The following CLNK variants were observed in gnomAD, a reference collection of about 807,000 sequenced individuals.
CLNK encodes the protein cytokine dependent hematopoietic cell linker.
Under a neutral mutation model 68.6 loss-of-function variants are expected in CLNK, and 74 were observed. The ratio of observed to expected loss-of-function variants is 1.08; its 90% CI spans 0.89 to 1.31. The LOEUF (loss-of-function observed/expected upper bound fraction) is 1.31. Among genes scored for constraint, CLNK ranks in the 50% most tolerant of loss-of-function variants. The probability of loss-of-function intolerance (pLI) is 0.00; values close to 1 mark genes in which losing one functional copy is unlikely to be tolerated. For missense variants in CLNK, 553 were observed against 515.3 expected, an observed-to-expected ratio of 1.07 and a Z score of -0.71; for synonymous variants, 198 against 172.2, an observed-to-expected ratio of 1.15 and a Z score of -1.17.
intron 1 of CLNK, among the ~76,000 whole-genome samples, chr4:10,675,946 C>T (rs1166523390): frequency 6.6e-6 from 1 of 152,126 alleles, no homozygotes; most frequent in Non-Finnish European, 1.5e-5. Context: ...ACACATCTGA[C>T]TTTTTCTGCA....
At chr4:10,703,559 C>A in the CLNK span, among the ~76,000 whole-genome samples, 17 of 152,060 alleles carry the variant, frequency 1.1e-4, no homozygotes, top group Non-Finnish European at 1.2e-4. Context: ...TCTTAGAGAG[C>A]AGAATCTTTT....
At chr4:10,528,219 C>T (rs867869448) in intron 12 of CLNK, 125 bp from the exon 13 acceptor site, 8 of 401,496 alleles carry the variant, frequency 2.0e-5, no homozygotes, top group Middle Eastern at 3.5e-4. Context: ...TAGCATAGTT[C>T]GTAGTTTTAA....
At chr4:10,731,850 G>A in the CLNK span, among the ~76,000 whole-genome samples, 1 of 152,194 alleles carries the variant, frequency 6.6e-6, no homozygotes, top group African/African-American at 2.4e-5. Context: ...CATACCACAT[G>A]CAAATCTAAC....
intron 7 of CLNK, among the ~76,000 whole-genome samples, chr4:10,562,554 C>G (rs1302415494): frequency 6.6e-6 from 1 of 152,104 alleles, no homozygotes; most frequent in African/African-American, 2.4e-5. Context: ...TACAAGCACC[C>G]ACCACCACAC....
chr4:10,720,101 A>T, the CLNK span, among the ~76,000 whole-genome samples: 1 of 152,222 alleles, frequency 6.6e-6, no homozygotes, highest in African/African-American at 2.4e-5. Context: ...AATGTTAAAA[A>T]AATGAAGTCT....
the CLNK span, among the ~76,000 whole-genome samples, chr4:10,722,788 G>T: frequency 6.6e-6 from 1 of 152,166 alleles, no homozygotes; most frequent in Non-Finnish European, 1.5e-5. Flanking sequence ...GGTGGCTCAC[G>T]CCTGTTATTC....
intron 16 of CLNK, among the ~76,000 whole-genome samples, chr4:10,509,901 G>A (rs1030753475): frequency 2.0e-5 from 3 of 152,052 alleles, no homozygotes; most frequent in African/African-American, 4.8e-5. Context: ...TGGCAGAACC[G>A]GCTCTGCCTC....
intron 18 of CLNK, among the ~76,000 whole-genome samples, chr4:10,499,483 CT>C (rs1200131231): frequency 6.6e-6 from 1 of 152,204 alleles, no homozygotes; most frequent in Non-Finnish European, 1.5e-5. Flanking sequence ...AAAAAGTGCT[CT>C]GGTCAGACAC....
intron 2 of CLNK, among the ~76,000 whole-genome samples, chr4:10,605,328 G>A (rs28812637): frequency 0.018 from 2,665 of 152,120 alleles, 88 homozygotes; most frequent in African/African-American, 0.06. Context: ...TGTGAACATC[G>A]TAGAGTGTAC....
At chr4:10,567,085 T>C (rs993106946) in intron 5 of CLNK, among the ~76,000 whole-genome samples, 7 of 134,638 alleles carry the variant, frequency 5.2e-5, no homozygotes, top group Middle Eastern at 3.5e-3. Flanking sequence ...AATCCTAAAA[T>C]TCTTAAGAAA....
chr4:10,706,233 C>A, the CLNK span, among the ~76,000 whole-genome samples: 2 of 152,208 alleles, frequency 1.3e-5, no homozygotes, highest in Non-Finnish European at 2.9e-5. Context: ...GGCAAGTCAC[C>A]TCCTTTGTTC....
chr4:10,651,717 T>C (rs1234213531), intron 2 of CLNK, among the ~76,000 whole-genome samples: 1 of 152,120 alleles, frequency 6.6e-6, no homozygotes, highest in East Asian at 1.9e-4. Context: ...AAAAATTAAT[T>C]AATAACAGAA....
At chr4:10,615,975 G>T (rs1212343388) in intron 2 of CLNK, among the ~76,000 whole-genome samples, 1 of 152,152 alleles carries the variant, frequency 6.6e-6, no homozygotes, top group Admixed American at 6.5e-5. Context: ...GCTGCTTTCT[G>T]TATTAAAGTT....
intron 2 of CLNK, among the ~76,000 whole-genome samples, chr4:10,648,096 A>G (rs765122366): frequency 2.6e-5 from 4 of 152,222 alleles, no homozygotes; most frequent in Non-Finnish European, 5.9e-5. Flanking sequence ...TCCTGGTGTT[A>G]TAGGACAGAC....
intron 10 of CLNK, 117 bp from the exon 11 acceptor site, chr4:10,540,721 T>G (rs545821130): frequency 2.6e-4 from 177 of 693,268 alleles, no homozygotes; most frequent in Non-Finnish European, 3.6e-4. Flanking sequence ...AAAATGCTAG[T>G]TTTTGGATGC....
At chr4:10,621,951 A>G (rs1221633845) in intron 2 of CLNK, among the ~76,000 whole-genome samples, 2 of 152,210 alleles carry the variant, frequency 1.3e-5, no homozygotes, top group African/African-American at 4.8e-5. Context: ...TGCTGAGAAA[A>G]TGTACACCGT....
At chr4:10,567,325 A>G (rs555010470) in intron 5 of CLNK, among the ~76,000 whole-genome samples, 26 of 152,316 alleles carry the variant, frequency 1.7e-4, no homozygotes, top group Non-Finnish European at 2.8e-4. Context: ...TACTAAGACA[A>G]TACAATGGGT....
At chr4:10,610,899 A>G (rs1161404359) in intron 2 of CLNK, among the ~76,000 whole-genome samples, 2 of 152,216 alleles carry the variant, frequency 1.3e-5, no homozygotes, top group African/African-American at 4.8e-5. Context: ...AAAAGACATA[A>G]TGAGCTGGCC....
intron 2 of CLNK, among the ~76,000 whole-genome samples, chr4:10,643,216 G>T (rs1455802534): frequency 6.6e-6 from 1 of 152,154 alleles, no homozygotes; most frequent in African/African-American, 2.4e-5. Flanking sequence ...TCCCTGTGAT[G>T]GCTGCAGAGA....
Sources: allele counts gnomAD v4.1 joint callset (sites outside exome capture counted in the v4.1 genomes callset), GRCh38; gene constraint gnomAD v4.1.1; transcripts MANE v1.5; gene names NCBI Gene and HGNC (gene_info 2026-07-23, HGNC 2026-07-21).